RBFOX3: variants seen among roughly 807,000 people sequenced by gnomAD.
RBFOX3 encodes the protein RNA binding protein fox-1 homolog 3.
RBFOX3 carries 17 observed loss-of-function variants against 48.7 expected under a neutral mutation model. The observed-to-expected ratio is 0.35, with a 90% CI of 0.24 to 0.52. The LOEUF is 0.52. RBFOX3 is among the 20% of genes least tolerant of loss of function. The pLI, the probability that RBFOX3 is intolerant of heterozygous loss-of-function variation, is 0.94. For missense variants in RBFOX3, 382 were observed against 497.5 expected, an observed-to-expected ratio of 0.77 and a Z score of 2.21; for synonymous variants, 212 against 209.5, an observed-to-expected ratio of 1.01 and a Z score of -0.10.
At chr17:79,623,087 G>A in the RBFOX3 span, among the ~76,000 whole-genome samples, 1 of 152,170 alleles carries the variant, frequency 6.6e-6, no homozygotes, top group Non-Finnish European at 1.5e-5. Context: ...CCCTGTTACT[G>A]CCCCAGCAGA....
chr17:79,287,065 C>T (rs1383743038), intron 3 of RBFOX3, among the ~76,000 whole-genome samples: 4 of 152,372 alleles, frequency 2.6e-5, no homozygotes, highest in South Asian at 2.1e-4. Context: ...GGGCTCACAC[C>T]GGGGCAAGCA....
chr17:79,648,556 C>T, the RBFOX3 span, among the ~76,000 whole-genome samples: 12 of 152,340 alleles, frequency 7.9e-5, no homozygotes, highest in African/African-American at 2.9e-4. Context: ...AAGTACTCCA[C>T]GATGTTAGCT....
At chr17:79,628,134 A>T in the RBFOX3 span, among the ~76,000 whole-genome samples, 2 of 150,834 alleles carry the variant, frequency 1.3e-5, no homozygotes, top group Non-Finnish European at 2.9e-5. Context: ...CTGTTCCAGG[A>T]CCCCCAACTC....
chr17:79,121,504 C>T (rs960162687), intron 4 of RBFOX3, among the ~76,000 whole-genome samples: 8 of 152,148 alleles, frequency 5.3e-5, no homozygotes, highest in African/African-American at 1.7e-4. Context: ...GCCAGTGTTC[C>T]GAGGCACCAT....
rs555566320 is a variant in RBFOX3, at chr17:79,418,352, G to A, written c.-175+64102C>T. On this transcript the variant is annotated intron_variant, in intron 2 of 14. Transcript: ENST00000693108. This position sits in a 1 kb window ranked among gnomAD's most constrained non-coding sequence, Gnocchi z 5.0. ...TGCACACACGTTTCCCACACTAAAA[G>A]TTGGCCACGTTCTTCCTACAGCAAA... Among the ~76,000 whole-genome samples the A allele has an allele frequency of 1.9e-3, 282 of 152,212 alleles. 2 individuals are homozygous for A. Among genetic ancestry groups the A allele is most frequent in the Non-Finnish European group, 3.1e-3 (210 of 68,006 alleles).
intron 2 of RBFOX3, among the ~76,000 whole-genome samples, chr17:79,437,970 A>G (rs531190200): frequency 4.1e-4 from 62 of 152,300 alleles, no homozygotes; most frequent in Admixed American, 2.9e-3. Flanking sequence ...GGGCACAAGC[A>G]CACCATGCAC....
chr17:79,403,924 C>T (rs1288854409), intron 2 of RBFOX3, among the ~76,000 whole-genome samples: 3 of 151,928 alleles, frequency 2.0e-5, no homozygotes, highest in East Asian at 1.9e-4. Flanking sequence ...GGACTACAGG[C>T]GCCCGCCACC....
intron 1 of RBFOX3, among the ~76,000 whole-genome samples, chr17:79,526,213 G>A (rs1484430016): frequency 6.6e-6 from 1 of 152,240 alleles, no homozygotes; most frequent in Admixed American, 6.5e-5. Flanking sequence ...AGCACCATGA[G>A]GGGAGTGTGA....
intron 2 of RBFOX3, among the ~76,000 whole-genome samples, chr17:79,350,859 C>T (rs1239943859): frequency 6.6e-6 from 1 of 152,244 alleles, no homozygotes; most frequent in Non-Finnish European, 1.5e-5. Context: ...GCGACTCTCC[C>T]ACCTTCCAGT....
chr17:79,227,913 T>G (rs1308043596), intron 4 of RBFOX3, among the ~76,000 whole-genome samples: 1 of 152,168 alleles, frequency 6.6e-6, no homozygotes, highest in Non-Finnish European at 1.5e-5. Context: ...TACTGCAGCT[T>G]TTTAGCCACC....
rs995961041 is a variant in RBFOX3 at position 79,199,886 on chromosome 17, C to T, written c.-34+35880G>A. On this transcript the variant is annotated intron_variant, in intron 4 of 14. Transcript: ENST00000693108. The surrounding 1 kb of genome is among the most constrained non-coding windows in gnomAD (Gnocchi z 5.1). ...ATAAAATGGGGAGAAAAGGGCCGGACGTGGTGGCTCACGCCTGTAATCCCA... is the reference window on the plus strand; with the variant it reads ...ATAAAATGGGGAGAAAAGGGCCGGATGTGGTGGCTCACGCCTGTAATCCCA... 6.6e-6 allele frequency among the ~76,000 whole-genome samples: 1 copy of T among 152,010 alleles called. No individual in the cohort carries two copies. The highest frequency in any genetic ancestry group is 1.5e-5 in the Non-Finnish European group (1 of 67,972).
chr17:79,181,384 T>C (rs796475400), intron 4 of RBFOX3, among the ~76,000 whole-genome samples: 7 of 152,330 alleles, frequency 4.6e-5, no homozygotes, highest in African/African-American at 1.7e-4. Flanking sequence ...GTCAGTCCTA[T>C]GCTCATGGAA....
At chr17:79,463,480 T>C (rs1460362159) in intron 2 of RBFOX3, among the ~76,000 whole-genome samples, 134 of 19,258 alleles carry the variant, frequency 7.0e-3, no homozygotes, top group East Asian at 0.011. Flanking sequence ...CCACCTCCAC[T>C]GCCATCGCCA....
At chr17:79,559,923 T>G in intron 1 of RBFOX3, among the ~76,000 whole-genome samples, 4 of 107,210 alleles carry the variant, frequency 3.7e-5, no homozygotes, top group Admixed American at 1.1e-4. Context: ...GATGAATAGA[T>G]GGGTGGGTGG....
intron 1 of RBFOX3, among the ~76,000 whole-genome samples, chr17:79,502,114 T>C (rs1371062543): frequency 6.6e-6 from 1 of 152,152 alleles, no homozygotes; most frequent in Non-Finnish European, 1.5e-5. Context: ...AATGTGCTCA[T>C]CTGAAAAATG....
At chr17:79,114,251 C>T (rs1027016634) in intron 5 of RBFOX3, among the ~76,000 whole-genome samples, 1 of 152,194 alleles carries the variant, frequency 6.6e-6, no homozygotes, top group Non-Finnish European at 1.5e-5. Context: ...CCAGAGCAGA[C>T]AGGGAAGCTT....
At chr17:79,434,380 T>C (rs4790039) in intron 2 of RBFOX3, among the ~76,000 whole-genome samples, 150,402 of 152,322 alleles carry the variant, frequency 0.99, 74,284 homozygotes, top group Middle Eastern at 1. Flanking sequence ...CATGGACTTA[T>C]GGGGCCGTTT....
intron 3 of RBFOX3, among the ~76,000 whole-genome samples, chr17:79,294,108 CT>C (rs1319885932): frequency 6.6e-6 from 1 of 152,212 alleles, no homozygotes; most frequent in Non-Finnish European, 1.5e-5. Context: ...GGGCCACCTG[CT>C]TGCCTTACAG....
chr17:79,341,047 A>T (rs1207404569), intron 2 of RBFOX3, among the ~76,000 whole-genome samples: 1 of 152,246 alleles, frequency 6.6e-6, no homozygotes, highest in African/African-American at 2.4e-5. Flanking sequence ...GGTTCCCCAA[A>T]ACAGTCATCT....
Sources: allele counts gnomAD v4.1 joint callset (sites outside exome capture counted in the v4.1 genomes callset), GRCh38; gene constraint gnomAD v4.1.1; non-coding constraint Gnocchi (gnomAD v3.1); transcripts MANE v1.5; gene names NCBI Gene and HGNC (gene_info 2026-07-23, HGNC 2026-07-21).